Variants in SLC16A1 observed in about 807,000 individuals in gnomAD.
SLC16A1 encodes solute carrier family 16 member 1.
A neutral mutation model predicts 32.2 loss-of-function variants in SLC16A1; 11 were observed. The ratio of observed to expected loss-of-function variants is 0.34; its 90% CI spans 0.21 to 0.56. The LOEUF (loss-of-function observed/expected upper bound fraction) is 0.56. Among genes scored for constraint, SLC16A1 ranks in the 20% least tolerant of loss-of-function variants. SLC16A1 has a pLI of 0.87. For synonymous variants in SLC16A1, 231 were observed against 226.8 expected, an observed-to-expected ratio of 1.02 and a Z score of -0.17; for missense variants, 435 against 615.0, an observed-to-expected ratio of 0.71 and a Z score of 3.10.
chr1:112,923,497 G>A, intron 2 of SLC16A1: 2 of 923,600 alleles, frequency 2.2e-6, no homozygotes, highest in Non-Finnish European at 3.6e-6. Context: ...CTGGAGCACG[G>A]CCACACCAAG....
At chr1:112,945,314 T>C (rs1649659896) in intron 1 of SLC16A1, among the ~76,000 whole-genome samples, 1 of 152,102 alleles carries the variant, frequency 6.6e-6, no homozygotes, top group Admixed American at 6.5e-5. Flanking sequence ...TTTTGATGTG[T>C]CTAGTTCCAC....
intron 1 of SLC16A1, among the ~76,000 whole-genome samples, chr1:112,930,762 T>TC (rs1160640556): frequency 5.3e-5 from 8 of 150,998 alleles, no homozygotes; most frequent in Non-Finnish European, 1.2e-4. Context: ...TCTCACTCTG[T>TC]CGCCCGGGCT....
At chr1:112,949,638 G>C (rs1485152288) in intron 1 of SLC16A1, among the ~76,000 whole-genome samples, 1 of 151,922 alleles carries the variant, frequency 6.6e-6, no homozygotes, top group Non-Finnish European at 1.5e-5. Context: ...GGATTCCTTT[G>C]GCCATTTAGT....
chr1:112,921,495 GAAA>G (rs993156135), intron 3 of SLC16A1, among the ~76,000 whole-genome samples: 2 of 152,138 alleles, frequency 1.3e-5, no homozygotes, highest in Non-Finnish European at 2.9e-5. Context: ...TCTGTGCATA[GAAA>G]AACACATGGA....
At position 112,917,168 on chromosome 1, in the gene SLC16A1, T is replaced by TA; in HGVS notation, c.1228+9dup. 6.2e-7 allele frequency: 1 copy of TA among 1,614,154 alleles called. No individual in the cohort carries two copies. The highest frequency in any genetic ancestry group is 8.5e-7 in the Non-Finnish European group (1 of 1,180,036). On this transcript the variant is annotated intron_variant, in intron 4 of 4. Coordinates refer to ENST00000369626, the MANE Select transcript of SLC16A1 (RefSeq NM_003051.4). This position sits in a 1 kb window ranked among gnomAD's most constrained non-coding sequence, Gnocchi z 4.1. ...TAATAGACCCACATTAGTAGGGAGA[T>TA]ATACTATACCTAAAAGTGGTGGCCC...
intron 3 of SLC16A1, among the ~76,000 whole-genome samples, chr1:112,920,664 C>T (rs1648692197): frequency 6.6e-6 from 1 of 151,792 alleles, no homozygotes; most frequent in Non-Finnish European, 1.5e-5. Flanking sequence ...AATATAAAAA[C>T]TAAAGTGCAG....
chr1:112,918,336 C>G (rs867955609), intron 3 of SLC16A1, among the ~76,000 whole-genome samples: 1 of 152,126 alleles, frequency 6.6e-6, no homozygotes. Flanking sequence ...GCACTTAGTA[C>G]CCAGTGCCCA....
At chr1:112,939,667 G>A (rs1454832650) in intron 1 of SLC16A1, among the ~76,000 whole-genome samples, 1 of 152,028 alleles carries the variant, frequency 6.6e-6, no homozygotes, top group African/African-American at 2.4e-5. Context: ...CACCATGCCG[G>A]CCTAATTTTT....
chr1:112,928,991 A>G (rs922394813), intron 2 of SLC16A1, 101 bp downstream of exon 2: 5 of 831,802 alleles, frequency 6.0e-6, no homozygotes, highest in Non-Finnish European at 9.6e-6. Context: ...ATTTCAAAAC[A>G]TCTCACTGAA....
At position 112,917,869 on chromosome 1, in the gene SLC16A1, T is replaced by C. The variant is rs1046921158; in HGVS notation, c.537A>G (p.Leu179=). ...AGTTTAGTAGCAAGCCCCCAAGAAT[T>C]AGAAAGCTTCCTCTCCATCCAAAGA... ...FGIFGWRGSF[L]ILGGLLLNCC... The change falls in exon 4 of 5, where the codon CTA becomes CTG. Residue 179 remains leucine (L), a synonymous_variant. Coordinates refer to ENST00000369626, the MANE Select transcript of SLC16A1 (RefSeq NM_003051.4). This position sits in a 1 kb window ranked among gnomAD's most constrained non-coding sequence, Gnocchi z 4.1. 3 of 1,611,974 alleles carry C rather than the reference T, an allele frequency of 1.9e-6. No individual in the cohort carries two copies. Among genetic ancestry groups the C allele is most frequent in the Non-Finnish European group, 2.5e-6 (3 of 1,179,126 alleles).
chr1:112,914,222 C>T, intron 4 of SLC16A1, 57 bp from the exon 5 acceptor site: 2 of 1,591,888 alleles, frequency 1.3e-6, no homozygotes, highest in South Asian at 1.1e-5. Context: ...TTTTTTTTTC[C>T]CCCAAGCAAA....
chr1:112,932,491 C>T (rs1249709780), intron 1 of SLC16A1, among the ~76,000 whole-genome samples: 1 of 152,004 alleles, frequency 6.6e-6, no homozygotes, highest in African/African-American at 2.4e-5. Context: ...TATGATCATG[C>T]TGCTGCACTC....
At chr1:112,918,564 G>C (rs946047648) in intron 3 of SLC16A1, among the ~76,000 whole-genome samples, 6 of 152,170 alleles carry the variant, frequency 3.9e-5, no homozygotes, top group African/African-American at 1.4e-4. Flanking sequence ...GCTTTGGGAA[G>C]CCAAGGCGGC....
chr1:112,919,097 C>A (rs1020799092), intron 3 of SLC16A1, among the ~76,000 whole-genome samples: 2 of 151,846 alleles, frequency 1.3e-5, no homozygotes, highest in Non-Finnish European at 2.9e-5. Context: ...GTGGCGCGAT[C>A]TCGGCTCACT....
intron 4 of SLC16A1, among the ~76,000 whole-genome samples, chr1:112,915,730 G>A (rs981304248): frequency 5.3e-5 from 8 of 151,252 alleles, no homozygotes; most frequent in Non-Finnish European, 7.4e-5. Flanking sequence ...AAGATTTAGA[G>A]CATAAAAACT....
intron 2 of SLC16A1, among the ~76,000 whole-genome samples, chr1:112,928,234 A>C (rs536932634): frequency 8.5e-5 from 13 of 152,352 alleles, no homozygotes; most frequent in Admixed American, 2.6e-4. Flanking sequence ...CGATTTAATT[A>C]CAGGCTTAAT....
At chr1:112,937,297 A>G (rs1252322793) in intron 1 of SLC16A1, among the ~76,000 whole-genome samples, 5 of 152,226 alleles carry the variant, frequency 3.3e-5, no homozygotes, top group African/African-American at 7.2e-5. Context: ...ATTTTTAGTC[A>G]CTAAAGCTTG....
intron 1 of SLC16A1, among the ~76,000 whole-genome samples, chr1:112,936,502 AAAGG>A (rs1649314515): frequency 1.3e-5 from 2 of 151,546 alleles, no homozygotes; most frequent in Non-Finnish European, 2.9e-5. Flanking sequence ...AAAAAAAAAA[AAAGG>A]AGAAGGCAGG....
chr1:112,918,934 A>C (rs1339031934), intron 3 of SLC16A1, among the ~76,000 whole-genome samples: 1 of 152,194 alleles, frequency 6.6e-6, no homozygotes, highest in Non-Finnish European at 1.5e-5. Context: ...AGAATTTAAA[A>C]TACACACAAA....
Sources: gnomAD v4.1 joint callset for allele counts (sites outside exome capture counted in the v4.1 genomes callset) on GRCh38, gnomAD v4.1.1 for gene constraint, Gnocchi (gnomAD v3.1) non-coding constraint, MANE v1.5 for transcripts, NCBI Gene and HGNC (gene_info 2026-07-23, HGNC 2026-07-21) for gene names.